Variants in ANKS1B observed in about 807,000 individuals in gnomAD.
ANKS1B encodes the protein ankyrin repeat and sterile alpha motif domain-containing protein 1B.
ANKS1B carries 36 observed loss-of-function variants against 148.3 expected under a neutral mutation model. The observed-to-expected ratio is 0.24, with a 90% CI of 0.19 to 0.32. ANKS1B has a LOEUF of 0.32. ANKS1B is among the 10% of genes least tolerant of loss of function. ANKS1B has a pLI of 1.00. For synonymous variants in ANKS1B, 542 were observed against 560.8 expected (o/e 0.97, Z 0.47); for missense variants, 1,157 against 1,542.6 (o/e 0.75, Z 4.19).
rs529594914 is a variant in ANKS1B, at chr12:98,860,618, C to T, written c.2779-28482G>A. Among the ~76,000 whole-genome samples, 12 of 152,298 alleles carry T rather than the reference C, an allele frequency of 7.9e-5. No individual in the cohort carries two copies. The East Asian group carries it at 2.3e-3, about 29-fold the overall frequency. Reference sequence around the variant, plus strand: ...CACCTCCCACGTATAAATGAGAACACACGGTGTTTGGTTTTCTGTTACTGT... The same window carrying T: ...CACCTCCCACGTATAAATGAGAACATACGGTGTTTGGTTTTCTGTTACTGT... On this transcript the variant is annotated intron_variant, in intron 17 of 26. Transcript: ENST00000683438.
intron 11 of ANKS1B, among the ~76,000 whole-genome samples, chr12:99,436,947 C>A (rs1402292135): frequency 1.3e-5 from 2 of 152,016 alleles, no homozygotes; most frequent in African/African-American, 4.8e-5. Flanking sequence ...CAAAAGAATG[C>A]AGCCTGGTGT....
chr12:99,864,722 T>C (rs2090507076), intron 1 of ANKS1B, among the ~76,000 whole-genome samples: 1 of 152,204 alleles, frequency 6.6e-6, no homozygotes, highest in African/African-American at 2.4e-5. Flanking sequence ...AATGATATAA[T>C]AACATCTACC....
At chr12:99,706,179 C>T (rs1165223916) in intron 8 of ANKS1B, among the ~76,000 whole-genome samples, 3 of 151,756 alleles carry the variant, frequency 2.0e-5, no homozygotes, top group Non-Finnish European at 4.4e-5. Context: ...ATGCCATATT[C>T]CATAGTGGGA....
chr12:99,083,185 C>A (rs2050428103), intron 16 of ANKS1B, among the ~76,000 whole-genome samples: 1 of 152,126 alleles, frequency 6.6e-6, no homozygotes, highest in Admixed American at 6.5e-5. Context: ...TTTCATCAGA[C>A]AATTTCCTTA....
At chr12:99,239,990 T>A (rs2088926674) in intron 14 of ANKS1B, among the ~76,000 whole-genome samples, 1 of 152,054 alleles carries the variant, frequency 6.6e-6, no homozygotes, top group Non-Finnish European at 1.5e-5. Context: ...CCATCAACGC[T>A]ATGAGGAAAC....
chr12:99,192,235 C>A (rs2080835271), intron 14 of ANKS1B, among the ~76,000 whole-genome samples: 1 of 148,306 alleles, frequency 6.7e-6, no homozygotes, highest in African/African-American at 2.5e-5. Context: ...GGCTTTGATA[C>A]AAATTTTATT....
At chr12:99,819,887 A>AGGC in intron 2 of ANKS1B, among the ~76,000 whole-genome samples, 1 of 151,740 alleles carries the variant, frequency 6.6e-6, no homozygotes, top group Non-Finnish European at 1.5e-5. Context: ...AGAACAAGAA[A>AGGC]AAAAGGGATG....
intron 5 of ANKS1B, among the ~76,000 whole-genome samples, chr12:99,780,720 T>C (rs2064210072): frequency 6.6e-6 from 1 of 152,224 alleles, no homozygotes; most frequent in Non-Finnish European, 1.5e-5. Flanking sequence ...ATGGTAAAAA[T>C]ATTTAGTAAA....
chr12:99,797,980 T>C (rs1368487476), intron 4 of ANKS1B, among the ~76,000 whole-genome samples: 1 of 151,970 alleles, frequency 6.6e-6, no homozygotes, highest in Non-Finnish European at 1.5e-5. Context: ...ATGTTTGTTA[T>C]ATTTTATCCA....
At chr12:99,212,869 A>G (rs1019361330) in intron 14 of ANKS1B, among the ~76,000 whole-genome samples, 3 of 152,202 alleles carry the variant, frequency 2.0e-5, no homozygotes, top group African/African-American at 7.2e-5. Context: ...ATCACTTCAC[A>G]TTCATATCCC....
chr12:99,453,646 C>T (rs2095797139), intron 10 of ANKS1B, among the ~76,000 whole-genome samples: 3 of 152,182 alleles, frequency 2.0e-5, no homozygotes. Flanking sequence ...CCGCTAAGTC[C>T]CTCCTAGTTT....
chr12:98,984,699 C>A (rs1460613947), intron 17 of ANKS1B, among the ~76,000 whole-genome samples: 1 of 152,086 alleles, frequency 6.6e-6, no homozygotes, highest in Non-Finnish European at 1.5e-5. Context: ...ATTTTTTTAA[C>A]CTATTTCCTT....
At chr12:98,856,986 T>C (rs760845472) in intron 17 of ANKS1B, among the ~76,000 whole-genome samples, 3 of 152,088 alleles carry the variant, frequency 2.0e-5, no homozygotes, top group Non-Finnish European at 4.4e-5. Context: ...ATATCAACTA[T>C]GTGAGCAAGC....
intron 9 of ANKS1B, chr12:99,647,969 G>C: frequency 3.0e-6 from 2 of 660,424 alleles, no homozygotes; most frequent in South Asian, 4.2e-5. Context: ...TCTGGATCCA[G>C]GGGACTGACT....
At chr12:98,933,051 A>ATGTG (rs1287025202) in intron 17 of ANKS1B, among the ~76,000 whole-genome samples, 1 of 152,216 alleles carries the variant, frequency 6.6e-6, no homozygotes, top group Non-Finnish European at 1.5e-5. Context: ...TGTAAGGACA[A>ATGTG]TGTGGCACAG....
chr12:99,038,865 C>G (rs984586410), intron 17 of ANKS1B, among the ~76,000 whole-genome samples: 1 of 152,202 alleles, frequency 6.6e-6, no homozygotes, highest in Non-Finnish European at 1.5e-5. Flanking sequence ...TTCCTGATCA[C>G]CCTCCTGAAG....
At chr12:99,356,658 A>G (rs1300880039) in intron 12 of ANKS1B, among the ~76,000 whole-genome samples, 1 of 152,178 alleles carries the variant, frequency 6.6e-6, no homozygotes, top group Admixed American at 6.5e-5. Context: ...TGTATTTAAC[A>G]GGAATCCTGG....
intron 8 of ANKS1B, among the ~76,000 whole-genome samples, chr12:99,711,558 A>G (rs942468846): frequency 6.6e-6 from 1 of 152,140 alleles, no homozygotes; most frequent in African/African-American, 2.4e-5. Flanking sequence ...ACACTTTCCT[A>G]AAGAAGATAT....
At chr12:98,759,283 G>A (rs2098341770) in intron 25 of ANKS1B, among the ~76,000 whole-genome samples, 1 of 152,110 alleles carries the variant, frequency 6.6e-6, no homozygotes, top group South Asian at 2.1e-4. Context: ...TATTTACCAA[G>A]CTCCTTCCAA....
Sources: allele counts gnomAD v4.1 joint callset (sites outside exome capture counted in the v4.1 genomes callset), GRCh38; gene constraint gnomAD v4.1.1; transcripts MANE v1.5; gene names NCBI Gene and HGNC (gene_info 2026-07-23, HGNC 2026-07-21).